TMEM117: variants seen among roughly 807,000 people sequenced by gnomAD.
The protein encoded by TMEM117 is transmembrane protein 117.
A neutral mutation model predicts 52.4 loss-of-function variants in TMEM117; 27 were observed. The observed-to-expected ratio is 0.51, with a 90% CI of 0.38 to 0.71. TMEM117 has a LOEUF of 0.71. Among genes scored for constraint, TMEM117 ranks in the 30% least tolerant of loss-of-function variants. The pLI is 0.00. For synonymous variants in TMEM117, 215 were observed against 206.3 expected, an observed-to-expected ratio of 1.04 and a Z score of -0.36; for missense variants, 556 against 630.5, an observed-to-expected ratio of 0.88 and a Z score of 1.26.
chr12:44,015,870 C>T (rs528243266), intron 3 of TMEM117, among the ~76,000 whole-genome samples: 5 of 152,072 alleles, frequency 3.3e-5, no homozygotes, highest in Non-Finnish European at 5.9e-5. Flanking sequence ...ACAAATAAGA[C>T]TATACAACTC....
At chr12:44,349,639 G>T (rs1023799366) in intron 6 of TMEM117, among the ~76,000 whole-genome samples, 1 of 152,034 alleles carries the variant, frequency 6.6e-6, no homozygotes, top group Non-Finnish European at 1.5e-5. Flanking sequence ...CCAGAGAAGT[G>T]CTGAGCATTC....
At chr12:44,303,067 G>C (rs926131025) in intron 6 of TMEM117, among the ~76,000 whole-genome samples, 1 of 151,570 alleles carries the variant, frequency 6.6e-6, no homozygotes, top group African/African-American at 2.4e-5. Flanking sequence ...TTCTGATATG[G>C]AGTTTCACTC....
At chr12:44,274,164 A>G (rs752813221) in intron 5 of TMEM117, among the ~76,000 whole-genome samples, 32 of 152,174 alleles carry the variant, frequency 2.1e-4, no homozygotes, top group Non-Finnish European at 3.7e-4. Flanking sequence ...ATGTGCCAAC[A>G]GTGAACCATG....
At position 44,219,975 on chromosome 12, in the gene TMEM117, A is replaced by C. The variant is rs966124420; in HGVS notation, c.608+8588A>C. On this transcript the variant is annotated intron_variant, in intron 5 of 7. Coordinates refer to ENST00000266534, the MANE Select transcript of TMEM117 (RefSeq NM_032256.3). ...CAGTATAATGATTAAAACAACTCAA[A>C]GTAACATCCTAAGAAAATGTTAAAT... Among the ~76,000 whole-genome samples the C allele has an allele frequency of 2.0e-5, 3 of 152,182 alleles. No individual in the cohort carries two copies. In the East Asian group the frequency reaches 5.8e-4, roughly 29 times the overall value.
rs1592374135 is a variant in TMEM117 at position 43,933,528 on chromosome 12, A to G, written c.278-10682A>G. On this transcript the variant is annotated intron_variant, in intron 2 of 7. Coordinates refer to ENST00000266534, the MANE Select transcript of TMEM117 (RefSeq NM_032256.3). The stretch of plus-strand genomic sequence containing the variant: ...TAATACTAATTTTTAACAATTGGGA[A>G]CTATACTTTCTATCTCATTGCCCAT... Among the ~76,000 whole-genome samples, 6 of 151,540 alleles carry G rather than the reference A, an allele frequency of 4.0e-5. No individual in the cohort carries two copies. The Middle Eastern group carries it at 0.018, about 448-fold the overall frequency.
intron 3 of TMEM117, among the ~76,000 whole-genome samples, chr12:43,945,186 C>T (rs1167204620): frequency 6.8e-6 from 1 of 146,802 alleles, no homozygotes; most frequent in Non-Finnish European, 1.5e-5. Context: ...ATATACTTAT[C>T]AAATCACTAA....
intron 3 of TMEM117, among the ~76,000 whole-genome samples, chr12:44,042,824 C>T (rs1191189442): frequency 1.3e-5 from 2 of 149,264 alleles, no homozygotes; most frequent in Non-Finnish European, 1.5e-5. Flanking sequence ...TAGTTCTGCC[C>T]CTCTAGGGAA....
chr12:44,203,578 A>T (rs1041605173), intron 4 of TMEM117, among the ~76,000 whole-genome samples: 1 of 152,134 alleles, frequency 6.6e-6, no homozygotes, highest in Non-Finnish European at 1.5e-5. Flanking sequence ...AACTTGATGT[A>T]GGTGATTAGC....
chr12:44,396,864 A>AG, the TMEM117 span, among the ~76,000 whole-genome samples: 2 of 151,064 alleles, frequency 1.3e-5, no homozygotes, highest in African/African-American at 4.9e-5. Flanking sequence ...AAAAAAAAAA[A>AG]GAAAGAAAAG....
chr12:43,851,728 C>T (rs79197461), intron 2 of TMEM117, among the ~76,000 whole-genome samples: 2,066 of 152,196 alleles, frequency 0.014, 35 homozygotes, highest in African/African-American at 0.048. Context: ...GTTTTGATTT[C>T]ATGGGTTTCA....
the TMEM117 span, chr12:43,804,103 T>A: frequency 3.5e-6 from 1 of 287,218 alleles, no homozygotes; most frequent in South Asian, 2.9e-5. Context: ...GAGTTTGATA[T>A]CCTTTGTTTA....
intron 3 of TMEM117, among the ~76,000 whole-genome samples, chr12:44,041,556 A>G (rs73089727): frequency 0.16 from 24,341 of 151,998 alleles, 2,945 homozygotes; most frequent in African/African-American, 0.34. Context: ...GGGGTTTGGT[A>G]TACACATTAT....
intron 3 of TMEM117, among the ~76,000 whole-genome samples, chr12:44,095,022 C>G (rs1261349290): frequency 6.6e-6 from 1 of 152,040 alleles, no homozygotes; most frequent in Non-Finnish European, 1.5e-5. Context: ...TGTTGGTCAA[C>G]ATTTTTTGTC....
intron 6 of TMEM117, among the ~76,000 whole-genome samples, chr12:44,335,409 T>C (rs1389379971): frequency 6.6e-6 from 1 of 152,104 alleles, no homozygotes; most frequent in Non-Finnish European, 1.5e-5. Flanking sequence ...TTTAATTCAC[T>C]CTCATTGCTT....
chr12:44,338,086 A>T (rs1951365916), intron 6 of TMEM117, among the ~76,000 whole-genome samples: 1 of 151,640 alleles, frequency 6.6e-6, no homozygotes, highest in African/African-American at 2.4e-5. Flanking sequence ...AGTATTTTTA[A>T]AGGTTCATTA....
At chr12:44,371,612 G>T (rs992562697) in intron 6 of TMEM117, among the ~76,000 whole-genome samples, 2 of 152,132 alleles carry the variant, frequency 1.3e-5, no homozygotes, top group African/African-American at 4.8e-5. Flanking sequence ...TAGAAGTGAG[G>T]TCTCTTCATT....
At chr12:44,030,526 G>A (rs979309928) in intron 3 of TMEM117, among the ~76,000 whole-genome samples, 1 of 152,202 alleles carries the variant, frequency 6.6e-6, no homozygotes, top group African/African-American at 2.4e-5. Context: ...GACTCCTAAA[G>A]AAACAGTTTT....
At chr12:44,319,943 G>A (rs560853608) in intron 6 of TMEM117, among the ~76,000 whole-genome samples, 482 of 152,096 alleles carry the variant, frequency 3.2e-3, no homozygotes, top group Non-Finnish European at 5.8e-3. Context: ...TCTCATCCAA[G>A]TTATTTTTTA....
intron 2 of TMEM117, among the ~76,000 whole-genome samples, chr12:43,877,890 AACACACACACAC>A (rs369405497): frequency 1.1e-4 from 16 of 143,104 alleles, no homozygotes; most frequent in African/African-American, 2.8e-4. Flanking sequence ...GTAAAAACAA[AACACACACACAC>A]ACACACACAC....
Sources: gnomAD v4.1 joint callset for allele counts (sites outside exome capture counted in the v4.1 genomes callset) on GRCh38, gnomAD v4.1.1 for gene constraint, MANE v1.5 for transcripts, NCBI Gene and HGNC (gene_info 2026-07-23, HGNC 2026-07-21) for gene names.